Variants in NALF1 observed in about 807,000 individuals in gnomAD.
The protein encoded by NALF1 is NALCN channel auxiliary factor 1, also known as family with sequence similarity 155 member A.
A neutral mutation model predicts 48.4 loss-of-function variants in NALF1; 3 were observed. The ratio of observed to expected loss-of-function variants is 0.06; its 90% CI spans 0.03 to 0.16. The LOEUF (loss-of-function observed/expected upper bound fraction) is 0.16, where lower values mean the gene tolerates loss of function less well. Among genes scored for constraint, NALF1 ranks in the 10% least tolerant of loss-of-function variants. The pLI, the probability that NALF1 is intolerant of heterozygous loss-of-function variation, is 1.00. For synonymous variants in NALF1, 262 were observed against 245.7 expected (o/e 1.07, Z -0.62); for missense variants, 526 against 571.5 (o/e 0.92, Z 0.81).
intron 1 of NALF1, among the ~76,000 whole-genome samples, chr13:107,592,175 G>C (rs1185020688): frequency 6.6e-6 from 1 of 151,828 alleles, no homozygotes; most frequent in Admixed American, 6.6e-5. Flanking sequence ...TGACTTGTTA[G>C]ACTCTCTCAA....
chr13:107,530,470 A>G (rs1232925095), intron 1 of NALF1, among the ~76,000 whole-genome samples: 1 of 152,166 alleles, frequency 6.6e-6, no homozygotes, highest in South Asian at 2.1e-4. Flanking sequence ...TATAGACTGA[A>G]GCAAAATCTA....
chr13:107,409,087 G>A (rs923011307), intron 1 of NALF1, among the ~76,000 whole-genome samples: 5 of 152,098 alleles, frequency 3.3e-5, no homozygotes, highest in African/African-American at 1.2e-4. Flanking sequence ...TCACATACAG[G>A]AGGCATGGCT....
intron 1 of NALF1, among the ~76,000 whole-genome samples, chr13:107,271,814 A>ATTTATTTATATATATATATATT (rs1555329805): frequency 6.8e-5 from 7 of 102,560 alleles, no homozygotes; most frequent in African/African-American, 2.9e-4. Context: ...ATATATATAT[A>ATTTATTTATATATATATATATT]TATTTATATA....
intron 1 of NALF1, among the ~76,000 whole-genome samples, chr13:107,771,218 T>C (rs866930803): frequency 2.6e-4 from 39 of 151,858 alleles, no homozygotes; most frequent in Middle Eastern, 3.4e-3. Flanking sequence ...CCTAAATTTA[T>C]ATATTGGTTT....
chr13:107,735,479 A>G (rs1026620629), intron 1 of NALF1, among the ~76,000 whole-genome samples: 26 of 152,244 alleles, frequency 1.7e-4, no homozygotes, highest in Admixed American at 1.6e-3. Flanking sequence ...GGAAGGTACT[A>G]TAACATCAGA....
rs1883088284 is a variant in NALF1 at position 107,362,815 on chromosome 13, T to C, written c.916-152060A>G. Among the ~76,000 whole-genome samples the C allele has an allele frequency of 6.6e-6, 1 of 152,152 alleles. No individual in the cohort carries two copies. The highest frequency in any genetic ancestry group is 1.5e-5 in the Non-Finnish European group (1 of 68,026). On this transcript the variant is annotated intron_variant, in intron 1 of 2. Transcript: ENST00000375915. This position sits in a 1 kb window ranked among gnomAD's most constrained non-coding sequence, Gnocchi z 4.6. ...GTACCTGTCTGAGTGGGCACACATATGGAGCAACCAGGATGAATGTGAGCT... is the reference window on the plus strand; with the variant it reads ...GTACCTGTCTGAGTGGGCACACATACGGAGCAACCAGGATGAATGTGAGCT...
intron 1 of NALF1, among the ~76,000 whole-genome samples, chr13:107,829,321 C>A (rs1879636185): frequency 6.6e-6 from 1 of 152,172 alleles, no homozygotes; most frequent in Admixed American, 6.5e-5. Flanking sequence ...ATTGGTCAGT[C>A]AAAGCCTGTG....
intron 1 of NALF1, among the ~76,000 whole-genome samples, chr13:107,692,961 G>A (rs905641809): frequency 2.5e-4 from 38 of 152,102 alleles, no homozygotes; most frequent in Non-Finnish European, 5.9e-5. Flanking sequence ...ATAAACATAC[G>A]TGTGCATGTG....
intron 1 of NALF1, among the ~76,000 whole-genome samples, chr13:107,631,104 C>T (rs1879822313): frequency 6.6e-6 from 1 of 152,124 alleles, no homozygotes; most frequent in Non-Finnish European, 1.5e-5. Context: ...CTCAAGCAAT[C>T]CTCCCACCTC....
intron 1 of NALF1, among the ~76,000 whole-genome samples, chr13:107,672,965 A>G (rs12868114): frequency 0.16 from 23,922 of 152,042 alleles, 2,343 homozygotes; most frequent in Middle Eastern, 0.33. Flanking sequence ...TTGTTCCTTC[A>G]CATGGAGATG....
rs74421240 is a variant in NALF1, at chr13:107,800,965, T to C, written c.915+64717A>G. On this transcript the variant is annotated intron_variant, in intron 1 of 2. Transcript: ENST00000375915. Reference sequence around the variant, plus strand: ...CTTCTTCTATCAATGAACTATCTTATACTAATTCAATTTCCTCAATCGCAT... The same window carrying C: ...CTTCTTCTATCAATGAACTATCTTACACTAATTCAATTTCCTCAATCGCAT... 0.037 allele frequency among the ~76,000 whole-genome samples: 5,579 copies of C among 152,126 alleles called. 493 individuals carry two copies. The East Asian group carries it at 0.39, about 11-fold the overall frequency.
At chr13:107,722,875 C>T (rs1241500402) in intron 1 of NALF1, among the ~76,000 whole-genome samples, 7 of 152,212 alleles carry the variant, frequency 4.6e-5, no homozygotes, top group Non-Finnish European at 1.0e-4. Flanking sequence ...TCACCTGGGT[C>T]CCAAGCGTAA....
chr13:107,202,066 AG>A (rs1879533393), intron 2 of NALF1, among the ~76,000 whole-genome samples: 1 of 152,228 alleles, frequency 6.6e-6, no homozygotes, highest in Non-Finnish European at 1.5e-5. Context: ...ATCTTAAAAT[AG>A]CATTCTAGAA....
At chr13:107,794,934 A>T (rs1412615221) in intron 1 of NALF1, among the ~76,000 whole-genome samples, 2 of 152,210 alleles carry the variant, frequency 1.3e-5, no homozygotes, top group Non-Finnish European at 2.9e-5. Flanking sequence ...AGAGATAAGA[A>T]AATCTTTTGA....
Position 107,558,231 on chromosome 13 carries a change from CT to C in NALF1, c.915+307450del, listed in dbSNP as rs371703170. Among the ~76,000 whole-genome samples, 5 of 150,550 alleles carry C rather than the reference CT, an allele frequency of 3.3e-5. No homozygotes were observed. In the East Asian group the frequency reaches 5.8e-4, roughly 18 times the overall value. ...AAATCTGTGAATATTCCTTGAGTCT[CT>C]TTTTTTTTAGTGTTTGTGTTACCAA... is the stretch of plus-strand genomic sequence containing the variant. On this transcript the variant is annotated intron_variant, in intron 1 of 2. Coordinates refer to ENST00000375915, the MANE Select transcript of NALF1 (RefSeq NM_001080396.3).
At chr13:107,428,906 C>T (rs913491613) in intron 1 of NALF1, among the ~76,000 whole-genome samples, 60 of 152,146 alleles carry the variant, frequency 3.9e-4, no homozygotes, top group African/African-American at 1.4e-3. Context: ...AATCATTAGA[C>T]AGTCAAAGGT....
intron 1 of NALF1, among the ~76,000 whole-genome samples, chr13:107,495,747 AG>A (rs1476933783): frequency 1.3e-5 from 2 of 152,178 alleles, no homozygotes; most frequent in African/African-American, 4.8e-5. Context: ...TGTCAGCCAT[AG>A]AAAATGTGTT....
chr13:107,453,761 T>C (rs971946060), intron 1 of NALF1, among the ~76,000 whole-genome samples: 2 of 152,250 alleles, frequency 1.3e-5, no homozygotes, highest in African/African-American at 4.8e-5. Flanking sequence ...CAAACTTTTA[T>C]GTTCTGCTCC....
chr13:107,195,350 T>C (rs187634944), intron 2 of NALF1, among the ~76,000 whole-genome samples: 389 of 152,318 alleles, frequency 2.6e-3, no homozygotes, highest in African/African-American at 8.9e-3. Context: ...CTAGTAATAA[T>C]GCTAGTTACA....
Sources: gnomAD v4.1 joint callset for allele counts (sites outside exome capture counted in the v4.1 genomes callset) on GRCh38, gnomAD v4.1.1 for gene constraint, Gnocchi (gnomAD v3.1) non-coding constraint, MANE v1.5 for transcripts, NCBI Gene and HGNC (gene_info 2026-07-23, HGNC 2026-07-21) for gene names.